UBE2V2: variants seen among roughly 807,000 people sequenced by gnomAD.
UBE2V2 encodes ubiquitin conjugating enzyme E2 V2.
Under a neutral mutation model 17.2 loss-of-function variants are expected in UBE2V2, and 9 were observed. The observed-to-expected ratio is 0.52, with a 90% CI of 0.32 to 0.91. The LOEUF (loss-of-function observed/expected upper bound fraction) is 0.91. Among genes scored for constraint, UBE2V2 ranks in the 40% least tolerant of loss-of-function variants. UBE2V2 has a pLI of 0.04. For missense variants in UBE2V2, 133 were observed against 182.6 expected, an observed-to-expected ratio of 0.73 and a Z score of 1.56; for synonymous variants, 61 against 57.5, an observed-to-expected ratio of 1.06 and a Z score of -0.28.
chr8:47,997,859 TG>T, the UBE2V2 span, among the ~76,000 whole-genome samples: 1 of 150,886 alleles, frequency 6.6e-6, no homozygotes, highest in Non-Finnish European at 1.5e-5. Context: ...GCTGTTCTGG[TG>T]GAGGATTAGG....
At chr8:48,030,864 A>T in intron 1 of UBE2V2, among the ~76,000 whole-genome samples, 1 of 152,172 alleles carries the variant, frequency 6.6e-6, no homozygotes, top group Non-Finnish European at 1.5e-5. Flanking sequence ...TCTACTAAAA[A>T]TACAAAAATT....
the UBE2V2 span, among the ~76,000 whole-genome samples, chr8:47,997,971 C>T: frequency 2.6e-5 from 4 of 151,604 alleles, no homozygotes; most frequent in South Asian, 2.1e-4. Flanking sequence ...GAGTTTGGAG[C>T]GGGCGAGGAT....
chr8:47,999,702 T>A, the UBE2V2 span, among the ~76,000 whole-genome samples: 1 of 152,018 alleles, frequency 6.6e-6, no homozygotes, highest in Non-Finnish European at 1.5e-5. Flanking sequence ...GTACCAAGCT[T>A]CTTTACAAAA....
intron 2 of UBE2V2, among the ~76,000 whole-genome samples, chr8:48,045,531 C>T (rs2091493149): frequency 6.6e-6 from 1 of 152,092 alleles, no homozygotes; most frequent in Non-Finnish European, 1.5e-5. Flanking sequence ...GGGAGGTCAG[C>T]TAGATTTTAG....
chr8:48,013,480 T>C (rs1260896806), intron 1 of UBE2V2, among the ~76,000 whole-genome samples: 1 of 151,998 alleles, frequency 6.6e-6, no homozygotes, highest in African/African-American at 2.4e-5. Flanking sequence ...GTTAATTTTT[T>C]TTGTATTTTT....
intron 1 of UBE2V2, among the ~76,000 whole-genome samples, chr8:48,031,198 G>T (rs2091380586): frequency 7.0e-6 from 1 of 141,850 alleles, no homozygotes; most frequent in African/African-American, 2.7e-5. Flanking sequence ...GACAGAGCAA[G>T]ACTCTGTCTC....
chr8:48,005,879 A>G (rs2091179946), upstream of UBE2V2, among the ~76,000 whole-genome samples: 1 of 152,096 alleles, frequency 6.6e-6, no homozygotes, highest in Non-Finnish European at 1.5e-5. Context: ...TTTCTTGTAA[A>G]TCTGTTTAAG....
chr8:48,023,017 T>G (rs987200218), intron 1 of UBE2V2, among the ~76,000 whole-genome samples: 2 of 151,984 alleles, frequency 1.3e-5, no homozygotes, highest in Non-Finnish European at 2.9e-5. Context: ...ATATTGGAAG[T>G]CTCTTATATG....
chr8:48,033,213 G>A (rs1175316154), intron 1 of UBE2V2, among the ~76,000 whole-genome samples: 1 of 151,716 alleles, frequency 6.6e-6, no homozygotes, highest in Non-Finnish European at 1.5e-5. Context: ...CTGAGACGGT[G>A]TCTTTCTCTG....
chr8:48,057,397 G>A (rs1455369408), intron 3 of UBE2V2, among the ~76,000 whole-genome samples: 1 of 151,948 alleles, frequency 6.6e-6, no homozygotes, highest in African/African-American at 2.4e-5. Context: ...TGCCTCCTGG[G>A]CTCAAGCAAT....
intron 1 of UBE2V2, among the ~76,000 whole-genome samples, chr8:48,010,296 G>A (rs1298260712): frequency 1.3e-5 from 2 of 151,100 alleles, no homozygotes; most frequent in Admixed American, 6.6e-5. Context: ...GAGTGCAGTG[G>A]CATGATCTTG....
chr8:47,998,078 G>A, the UBE2V2 span, among the ~76,000 whole-genome samples: 1 of 152,162 alleles, frequency 6.6e-6, no homozygotes, highest in South Asian at 2.1e-4. Context: ...TCCCATTGCG[G>A]TGACAAAAGT....
chr8:48,033,087 A>G (rs997557057), intron 1 of UBE2V2, among the ~76,000 whole-genome samples: 1 of 152,188 alleles, frequency 6.6e-6, no homozygotes. Flanking sequence ...TTATCACATG[A>G]AGGACTCATT....
Position 48,028,705 on chromosome 8 carries a change from C to A in UBE2V2, c.17-14328C>A, listed in dbSNP as rs544305342. ...TTCACCATGTTGGCCAGGCTTGTCT[C>A]AAACTCCTGACCTCAAGTGATCTGC... On this transcript the variant is annotated intron_variant, in intron 1 of 3. Coordinates refer to ENST00000523111, the MANE Select transcript of UBE2V2 (RefSeq NM_003350.3). 6.6e-5 allele frequency among the ~76,000 whole-genome samples: 10 copies of A among 152,152 alleles called. No individual in the cohort carries two copies. The South Asian group carries it at 2.1e-3, about 32-fold the overall frequency.
At chr8:48,046,023 C>T (rs192597766) in intron 2 of UBE2V2, among the ~76,000 whole-genome samples, 10 of 152,202 alleles carry the variant, frequency 6.6e-5, no homozygotes, top group South Asian at 2.1e-4. Context: ...CTCAGATCAC[C>T]GCAACCTCCG....
chr8:48,032,540 C>G (rs1442108048), intron 1 of UBE2V2, among the ~76,000 whole-genome samples: 1 of 152,006 alleles, frequency 6.6e-6, no homozygotes, highest in Non-Finnish European at 1.5e-5. Context: ...ACCCCTTGAG[C>G]CTGGGAGTTT....
At chr8:48,005,268 G>A (rs1004838465), upstream of UBE2V2, among the ~76,000 whole-genome samples, 5 of 152,056 alleles carry the variant, frequency 3.3e-5, no homozygotes, top group Admixed American at 6.6e-5. Flanking sequence ...AACATGAGGT[G>A]TTTGGTTTTC....
chr8:48,005,022 C>CTTTTT, upstream of UBE2V2, among the ~76,000 whole-genome samples: 1 of 138,232 alleles, frequency 7.2e-6, no homozygotes, highest in African/African-American at 2.7e-5. Context: ...ACTTTTTCTC[C>CTTTTT]TTTTTTTTTT....
At chr8:48,060,577 C>A in intron 3 of UBE2V2, 105 bp from the exon 4 acceptor site, 1 of 1,084,454 alleles carries the variant, frequency 9.2e-7, no homozygotes, top group Non-Finnish European at 1.2e-6. Context: ...AAAATAGAGG[C>A]AAGCTATGAA....
Sources: allele counts gnomAD v4.1 joint callset (sites outside exome capture counted in the v4.1 genomes callset), GRCh38; gene constraint gnomAD v4.1.1; transcripts MANE v1.5; gene names NCBI Gene and HGNC (gene_info 2026-07-23, HGNC 2026-07-21).